The following STARD13 variants were observed in gnomAD, a reference collection of about 807,000 sequenced individuals.
The protein encoded by STARD13 is StAR related lipid transfer domain containing 13, also known as stAR-related lipid transfer protein 13.
STARD13 carries 62 observed loss-of-function variants against 106.4 expected under a neutral mutation model. That is an observed-to-expected ratio of 0.58 (90% CI 0.48 to 0.72). The LOEUF is 0.72. Among genes scored for constraint, STARD13 ranks in the 30% least tolerant of loss-of-function variants. STARD13 has a pLI of 0.00. For synonymous variants in STARD13, 565 were observed against 553.0 expected (o/e 1.02, Z -0.31); for missense variants, 1,387 against 1,424.0 (o/e 0.97, Z 0.42).
chr13:33,429,563 A>G, the STARD13 span, among the ~76,000 whole-genome samples: 1 of 152,138 alleles, frequency 6.6e-6, no homozygotes, highest in Admixed American at 6.5e-5. Flanking sequence ...ACATACACAC[A>G]ATGGAGTACT....
the STARD13 span, among the ~76,000 whole-genome samples, chr13:33,474,501 G>A: frequency 6.6e-6 from 1 of 152,080 alleles, no homozygotes; most frequent in Non-Finnish European, 1.5e-5. Flanking sequence ...TTTTTACCTG[G>A]CAACAAATTG....
chr13:33,397,235 T>C, the STARD13 span, among the ~76,000 whole-genome samples: 1 of 152,228 alleles, frequency 6.6e-6, no homozygotes, highest in African/African-American at 2.4e-5. Flanking sequence ...GGACAATCTT[T>C]TTTTTTCACA....
intron 3 of STARD13, among the ~76,000 whole-genome samples, chr13:33,159,700 C>T (rs1255477596): frequency 6.6e-6 from 1 of 152,132 alleles, no homozygotes; most frequent in Non-Finnish European, 1.5e-5. Flanking sequence ...AATTTGTATA[C>T]TAGCAATGGG....
chr13:33,383,156 C>T, the STARD13 span, among the ~76,000 whole-genome samples: 1 of 152,150 alleles, frequency 6.6e-6, no homozygotes, highest in Non-Finnish European at 1.5e-5. Flanking sequence ...ATTTCCCTTT[C>T]TTTGTCTCAC....
the STARD13 span, among the ~76,000 whole-genome samples, chr13:33,616,805 T>C: frequency 5.0e-4 from 76 of 152,310 alleles, no homozygotes; most frequent in East Asian, 0.014. Context: ...AGAAAAATAG[T>C]CTTTATTTTA....
chr13:33,673,403 A>G, the STARD13 span, among the ~76,000 whole-genome samples: 1 of 152,126 alleles, frequency 6.6e-6, no homozygotes, highest in African/African-American at 2.4e-5. Context: ...AATTCCCAAT[A>G]AACTCTTTGT....
rs576051353 is a variant in STARD13 at position 33,105,542 on chromosome 13, T to G, written c.*51A>C. The G allele has an allele frequency of 7.7e-6, 10 of 1,300,238 alleles. No homozygotes were observed. Among genetic ancestry groups the G allele is most frequent in the Non-Finnish European group, 7.8e-6 (7 of 893,356 alleles). 80.5% of individuals were successfully genotyped at this position (1,300,238 alleles called of 1,614,324 possible). On this transcript the variant is annotated 3_prime_UTR_variant, in exon 14 of 14. Coordinates refer to ENST00000336934, the MANE Select transcript of STARD13 (RefSeq NM_178006.4). ...CTCACATGCACACTCTCTGCCACAC[T>G]CGTCACTTTAGCTTCCTCTTCCCTG...
the STARD13 span, among the ~76,000 whole-genome samples, chr13:33,501,535 TTAATC>T: frequency 2.6e-5 from 4 of 152,230 alleles, no homozygotes; most frequent in Non-Finnish European, 2.9e-5. Context: ...ATTTGAGTCT[TTAATC>T]TATCTTGAAT....
At chr13:33,481,897 A>G in the STARD13 span, among the ~76,000 whole-genome samples, 4 of 151,518 alleles carry the variant, frequency 2.6e-5, no homozygotes, top group Non-Finnish European at 5.9e-5. Flanking sequence ...GCAGGAGAAC[A>G]GCGTGAACCC....
At chr13:33,404,165 T>C in the STARD13 span, among the ~76,000 whole-genome samples, 1 of 152,220 alleles carries the variant, frequency 6.6e-6, no homozygotes, top group Non-Finnish European at 1.5e-5. Context: ...GACGTCTTAA[T>C]GGCTCCTAGA....
At chr13:33,174,196 C>T (rs1047132987) in intron 1 of STARD13, among the ~76,000 whole-genome samples, 5 of 152,146 alleles carry the variant, frequency 3.3e-5, no homozygotes, top group Middle Eastern at 3.4e-3. Context: ...ATAGATATTA[C>T]GACATATGAC....
At chr13:33,294,186 T>C (rs1163234979) in intron 1 of STARD13, among the ~76,000 whole-genome samples, 1 of 152,214 alleles carries the variant, frequency 6.6e-6, no homozygotes, top group Non-Finnish European at 1.5e-5. Context: ...ACAAATTGTA[T>C]AGGCATGCTT....
the STARD13 span, among the ~76,000 whole-genome samples, chr13:33,403,027 A>AT: frequency 5.2e-4 from 79 of 152,372 alleles, no homozygotes; most frequent in African/African-American, 1.8e-3. Flanking sequence ...CAGAGGGTCC[A>AT]TTGAGCTGGT....
the STARD13 span, among the ~76,000 whole-genome samples, chr13:33,617,350 A>G: frequency 3.3e-5 from 5 of 152,198 alleles, no homozygotes; most frequent in East Asian, 9.6e-4. Context: ...ACTGCACAGC[A>G]AAGAGGTGAT....
chr13:33,326,560 G>A (rs1409037818), intron 1 of STARD13, among the ~76,000 whole-genome samples: 3 of 152,148 alleles, frequency 2.0e-5, no homozygotes, highest in Non-Finnish European at 4.4e-5. Context: ...TGGTGTTTTC[G>A]AAGTGGGGTT....
the STARD13 span, chr13:33,660,055 A>T: frequency 6.6e-6 from 1 of 152,250 alleles, no homozygotes; most frequent in Admixed American, 6.5e-5. Context: ...AGAGGTCCTC[A>T]GAGGAACATT....
intron 1 of STARD13, among the ~76,000 whole-genome samples, chr13:33,334,788 A>G (rs1438853701): frequency 6.6e-6 from 1 of 152,240 alleles, no homozygotes; most frequent in Non-Finnish European, 1.5e-5. Flanking sequence ...ATGGAAGGAC[A>G]GCGCCAGGCA....
At chr13:33,471,305 G>T in the STARD13 span, among the ~76,000 whole-genome samples, 6 of 152,300 alleles carry the variant, frequency 3.9e-5, no homozygotes, top group Admixed American at 3.9e-4. Flanking sequence ...GAGATCTGCT[G>T]TGAGTTGTGC....
At chr13:33,609,105 A>AAAAAAAAAAAAAAAAAAGAAAG in the STARD13 span, among the ~76,000 whole-genome samples, 1 of 133,168 alleles carries the variant, frequency 7.5e-6, no homozygotes, top group African/African-American at 3.3e-5. Context: ...AAAAAAAAAA[A>AAAAAAAAAAAAAAAAAAGAAAG]AAATATTGAT....
Sources: gnomAD v4.1 joint callset for allele counts (sites outside exome capture counted in the v4.1 genomes callset) on GRCh38, gnomAD v4.1.1 for gene constraint, MANE v1.5 for transcripts, NCBI Gene and HGNC (gene_info 2026-07-23, HGNC 2026-07-21) for gene names.